Variants in ZNF57 observed in about 807,000 individuals in gnomAD.
ZNF57 encodes the protein zinc finger protein 57, also known as zinc finger protein 424.
ZNF57 carries 11 observed loss-of-function variants against 13.4 expected under a neutral mutation model. That is an observed-to-expected ratio of 0.82 (90% CI 0.52 to 1.36). ZNF57 has a LOEUF of 1.36. ZNF57 is among the 40% of genes most tolerant of loss of function. ZNF57 has a pLI of 0.00. For missense variants in ZNF57, 696 were observed against 667.5 expected, an observed-to-expected ratio of 1.04 and a Z score of -0.47; for synonymous variants, 224 against 238.5, an observed-to-expected ratio of 0.94 and a Z score of 0.56.
At chr19:2,915,492 C>T (rs1365870352) in intron 1 of ZNF57, 30 bp from the exon 2 acceptor site, 2 of 1,608,330 alleles carry the variant, frequency 1.2e-6, no homozygotes, top group Admixed American at 1.7e-5. Flanking sequence ...TGTCTCCAAT[C>T]CTCCTGCACA....
At chr19:2,904,073 G>A (rs1238919984) in intron 1 of ZNF57, among the ~76,000 whole-genome samples, 2 of 152,158 alleles carry the variant, frequency 1.3e-5, no homozygotes, top group Non-Finnish European at 2.9e-5. Context: ...TGTTGCCCCA[G>A]GCTAGTCTCA....
At position 2,917,205 on chromosome 19, in the gene ZNF57, C is replaced by T. The variant is rs776263939; in HGVS notation, c.584C>T (p.Pro195Leu). Residue 195 changes from proline to leucine, a missense_variant, in exon 4 of 4, where the codon CCG becomes CTG. Pro to Leu is a moderately conservative substitution (Grantham distance 98). Transcript: ENST00000306908. ...GGAAGAACTGACACTGAGGAGAAGCCGTATAAGTGTCAAGCATGTGGGCAA... is the reference window on the plus strand; with the variant it reads ...GGAAGAACTGACACTGAGGAGAAGCTGTATAAGTGTCAAGCATGTGGGCAA... Reference protein sequence around the residue: ...SHGRTDTEEKPYKCQACGQTF... With the variant: ...SHGRTDTEEKLYKCQACGQTF... The T allele has an allele frequency of 1.1e-5, 18 of 1,614,178 alleles. No homozygotes were observed. Among genetic ancestry groups the T allele is most frequent in the South Asian group, 4.4e-5 (4 of 91,078 alleles).
chr19:2,905,407 G>GCGCCCCCC (rs2088064464), intron 1 of ZNF57, among the ~76,000 whole-genome samples: 1 of 34,818 alleles, frequency 2.9e-5, no homozygotes, highest in Admixed American at 3.3e-4. Context: ...TCAGGTGATC[G>GCGCCCCCC]CCCCCCCCCC....
chr19:2,912,196 TCTC>T (rs35528920), intron 1 of ZNF57: 45,248 of 151,898 alleles, frequency 0.3, 8,297 homozygotes, highest in Non-Finnish European at 0.43. Flanking sequence ...AGTTCTTCCT[TCTC>T]CTCTCACTTG....
chr19:2,912,522 A>G (rs139150397), intron 1 of ZNF57, among the ~76,000 whole-genome samples: 3,835 of 152,272 alleles, frequency 0.025, 84 homozygotes, highest in Middle Eastern at 0.1. Flanking sequence ...GTGTTCTGGT[A>G]AGTTATGACT....
At chr19:2,908,702 C>T (rs1173396379) in intron 1 of ZNF57, among the ~76,000 whole-genome samples, 1 of 151,960 alleles carries the variant, frequency 6.6e-6, no homozygotes, top group Non-Finnish European at 1.5e-5. Context: ...TGCGCCCGGC[C>T]ATTGGTTTTT....
At position 2,918,175 on chromosome 19, in the gene ZNF57, C is replaced by T. The variant is rs1418787542; in HGVS notation, c.1554C>T (p.Ser518=). The T allele has an allele frequency of 2.5e-6, 4 of 1,614,076 alleles. No individual in the cohort carries two copies. Among genetic ancestry groups the T allele is most frequent in the Admixed American group, 3.3e-5 (2 of 59,996 alleles). The change falls in exon 4 of 4, where the codon TCC becomes TCT. Residue 518 remains serine, a synonymous_variant. Coordinates refer to ENST00000306908, the MANE Select transcript of ZNF57 (RefSeq NM_173480.3). ...GGATGTCCTTCAAGTGGCACTCCTC[C>T]TTCCGGAACCATCTGAGGATGCACA... is the stretch of plus-strand genomic sequence containing the variant. ...QCGMSFKWHS[S]FRNHLRMHTG...
At chr19:2,903,186 G>C (rs142396048) in intron 1 of ZNF57, among the ~76,000 whole-genome samples, 1 of 152,138 alleles carries the variant, frequency 6.6e-6, no homozygotes, top group African/African-American at 2.4e-5. Flanking sequence ...TCTTGGAGCC[G>C]TTTCTAAGCA....
intron 1 of ZNF57, among the ~76,000 whole-genome samples, chr19:2,903,671 CATTTATT>C (rs2088048050): frequency 6.6e-6 from 1 of 152,000 alleles, no homozygotes; most frequent in Non-Finnish European, 1.5e-5. Context: ...CTACCTTTAC[CATTTATT>C]ATTTATCACC....
At chr19:2,916,883 C>G in intron 3 of ZNF57, 41 bp from the exon 4 acceptor site, 1 of 1,502,174 alleles carries the variant, frequency 6.7e-7, no homozygotes, top group Non-Finnish European at 9.0e-7. Context: ...CACATCATTA[C>G]TAAACATACC....
At chr19:2,903,563 G>A (rs2088047080) in intron 1 of ZNF57, among the ~76,000 whole-genome samples, 1 of 151,888 alleles carries the variant, frequency 6.6e-6, no homozygotes, top group South Asian at 2.1e-4. Flanking sequence ...GCATAAATAG[G>A]CCTCCGGCCT....
intron 1 of ZNF57, among the ~76,000 whole-genome samples, chr19:2,908,484 G>A (rs1483661144): frequency 5.7e-5 from 6 of 105,074 alleles, no homozygotes; most frequent in Non-Finnish European, 8.9e-5. Context: ...TTTTTGAGAC[G>A]GAGTCTTGCT....
intron 1 of ZNF57, among the ~76,000 whole-genome samples, chr19:2,909,287 T>A (rs1568180678): frequency 7.5e-6 from 1 of 134,100 alleles, no homozygotes; most frequent in African/African-American, 2.7e-5. Flanking sequence ...TTTTGTTTTT[T>A]TTTTTTTTTT....
intron 3 of ZNF57, 26 bp from the exon 4 acceptor site, chr19:2,916,898 A>G: frequency 1.3e-6 from 2 of 1,535,252 alleles, no homozygotes; most frequent in East Asian, 4.5e-5. Context: ...CATACCATAC[A>G]TAAAAATGTC....
intron 1 of ZNF57, among the ~76,000 whole-genome samples, chr19:2,901,404 A>T (rs1173462682): frequency 6.6e-6 from 1 of 151,996 alleles, no homozygotes; most frequent in East Asian, 1.9e-4. Flanking sequence ...TCCGTATAAG[A>T]GGTCACCTGA....
intron 1 of ZNF57, chr19:2,907,247 A>G (rs1427781106): frequency 6.6e-6 from 1 of 152,212 alleles, no homozygotes; most frequent in Non-Finnish European, 1.5e-5. Context: ...TAAATGAGGT[A>G]TGCTTCCTGC....
Position 2,917,311 on chromosome 19 carries a change from G to C in ZNF57, c.690G>C (p.Arg230=). The change falls in exon 4 of 4, where the codon CGG becomes CGC. Residue 230 remains arginine, a synonymous_variant. Coordinates refer to ENST00000306908, the MANE Select transcript of ZNF57 (RefSeq NM_173480.3). ...AAACCTACAAATGCGAGCAGTGTCG[G>C]ATGGCGTTTAATGGGTTCGCAAGCT... ...AEKTYKCEQC[R]MAFNGFASFT... 6.2e-7 allele frequency: 1 copy of C among 1,614,112 alleles called. No individual in the cohort carries two copies. Among genetic ancestry groups the C allele is most frequent in the Non-Finnish European group, 8.5e-7 (1 of 1,179,970 alleles).
Position 2,917,180 on chromosome 19 carries a change from G to C in ZNF57, c.559G>C (p.Gly187Arg), listed in dbSNP as rs61742111. ...CICPSHLHSHGRTDTEEKPYK... is the reference protein window; with the variant it reads ...CICPSHLHSHRRTDTEEKPYK... ...TTGTCCCTCACACCTACACAGTCAC[G>C]GAAGAACTGACACTGAGGAGAAGCC... is the stretch of plus-strand genomic sequence containing the variant. The change falls in exon 4 of 4, where the codon GGA becomes CGA. Residue 187 changes from glycine (G) to arginine (R), a missense_variant. Physicochemically the swap from Gly to Arg is moderately radical, Grantham distance 125 (BLOSUM62 -2). This residue lies in a region of ZNF57 where 645 missense variants were observed against 591.5 expected (regional missense o/e 1.09). Coordinates refer to ENST00000306908, the MANE Select transcript of ZNF57 (RefSeq NM_173480.3). The C allele has an allele frequency of 2.5e-6, 4 of 1,614,078 alleles. No homozygotes were observed. The African/African-American group carries it at 5.3e-5, about 22-fold the overall frequency.
intron 1 of ZNF57, among the ~76,000 whole-genome samples, chr19:2,903,581 A>AC (rs1444387973): frequency 6.6e-6 from 1 of 151,904 alleles, no homozygotes; most frequent in Admixed American, 6.6e-5. Context: ...CCTCTCTTCA[A>AC]CACCTGTGTG....
Sources: gnomAD v4.1 joint callset for allele counts (sites outside exome capture counted in the v4.1 genomes callset) on GRCh38, gnomAD v4.1.1 for gene constraint, gnomAD v4.1.1 regional missense constraint, MANE v1.5 for transcripts, NCBI Gene and HGNC (gene_info 2026-07-23, HGNC 2026-07-21) for gene names.